Variants in MYL4 observed in about 807,000 individuals in gnomAD.
The protein encoded by MYL4 is atrial myosin light chain 1.
In MYL4, 16 loss-of-function variants were observed where a neutral mutation model predicts 21.6. The ratio of observed to expected loss-of-function variants is 0.74; its 90% CI spans 0.50 to 1.12. The LOEUF is 1.12. Among genes scored for constraint, MYL4 ranks in the 50% most tolerant of loss-of-function variants. MYL4 has a pLI of 0.00. For synonymous variants in MYL4, 82 were observed against 95.7 expected (o/e 0.86, Z 0.83); for missense variants, 249 against 252.9 (o/e 0.98, Z 0.11).
upstream of MYL4, among the ~76,000 whole-genome samples, chr17:47,207,749 A>G (rs570710124): frequency 2.2e-3 from 328 of 152,234 alleles, 4 homozygotes; most frequent in African/African-American, 7.4e-3. Context: ...TTTCTGAATT[A>G]TTTTGTTGAC....
At chr17:47,224,875 A>C (rs2064879434), downstream of MYL4, among the ~76,000 whole-genome samples, 1 of 151,562 alleles carries the variant, frequency 6.6e-6, no homozygotes, top group South Asian at 2.1e-4. Context: ...CAGGAACCTC[A>C]GGCTGAGAGA....
At chr17:47,223,118 C>A (rs966908484) in intron 6 of MYL4, 61 bp downstream of exon 6, 68 of 1,561,784 alleles carry the variant, frequency 4.4e-5, no homozygotes, top group African/African-American at 6.8e-5. Context: ...AAGAATAACA[C>A]CATGTGCCCT....
At chr17:47,192,478 T>A in the MYL4 span, among the ~76,000 whole-genome samples, 238 of 150,632 alleles carry the variant, frequency 1.6e-3, 1 homozygote, top group African/African-American at 5.4e-3. Context: ...TGAAACCCCA[T>A]CTCTACTAAA....
the MYL4 span, among the ~76,000 whole-genome samples, chr17:47,192,718 C>T: frequency 6.6e-6 from 1 of 151,834 alleles, no homozygotes; most frequent in African/African-American, 2.4e-5. Flanking sequence ...GGTTTCTACT[C>T]ATCCACAGCA....
At chr17:47,198,865 A>G (rs1320274410), upstream of MYL4, among the ~76,000 whole-genome samples, 1 of 152,116 alleles carries the variant, frequency 6.6e-6, no homozygotes, top group Non-Finnish European at 1.5e-5. Flanking sequence ...GTATGCCTCT[A>G]GTCTTAGCTA....
chr17:47,202,727 C>A (rs1307397615), intron 1 of MYL4, among the ~76,000 whole-genome samples: 1 of 151,060 alleles, frequency 6.6e-6, no homozygotes, highest in Non-Finnish European at 1.5e-5. Flanking sequence ...TCAACAAAAG[C>A]AACTCTAAAT....
At chr17:47,211,597 A>G (rs1198449967) in intron 1 of MYL4, among the ~76,000 whole-genome samples, 1 of 152,100 alleles carries the variant, frequency 6.6e-6, no homozygotes, top group Non-Finnish European at 1.5e-5. Flanking sequence ...CACCCCATCT[A>G]GGGGGTTCCT....
intron 2 of MYL4, among the ~76,000 whole-genome samples, chr17:47,218,896 T>G (rs2064834216): frequency 1.3e-5 from 2 of 152,228 alleles, no homozygotes; most frequent in African/African-American, 4.8e-5. Context: ...CTTGCCCTGC[T>G]GCCTTCAAGG....
chr17:47,192,095 C>T, the MYL4 span, among the ~76,000 whole-genome samples: 1 of 152,204 alleles, frequency 6.6e-6, no homozygotes, highest in Admixed American at 6.5e-5. Context: ...TGGCTCACGC[C>T]TGTAATCCCA....
chr17:47,213,593 C>T (rs2064791538), intron 1 of MYL4, among the ~76,000 whole-genome samples: 1 of 152,102 alleles, frequency 6.6e-6, no homozygotes. Context: ...GGAGGGCCGA[C>T]GGTATTTTAT....
At chr17:47,197,104 T>TG (rs895464494), upstream of MYL4, among the ~76,000 whole-genome samples, 4 of 65,450 alleles carry the variant, frequency 6.1e-5, no homozygotes, top group East Asian at 8.0e-4. Flanking sequence ...TTTTTTTTTT[T>TG]TTTTTTTTTT....
intron 1 of MYL4, among the ~76,000 whole-genome samples, chr17:47,212,681 C>T (rs957463782): frequency 6.6e-6 from 1 of 152,202 alleles, no homozygotes; most frequent in Non-Finnish European, 1.5e-5. Context: ...GAGCAAAATG[C>T]AAATTGTTCA....
upstream of MYL4, among the ~76,000 whole-genome samples, chr17:47,195,730 T>G (rs745688847): frequency 6.6e-6 from 1 of 152,228 alleles, no homozygotes; most frequent in Non-Finnish European, 1.5e-5. Context: ...TAGCTCTGCT[T>G]ATCCTCCAAA....
chr17:47,198,828 TA>T (rs924914212), upstream of MYL4, among the ~76,000 whole-genome samples: 2 of 151,198 alleles, frequency 1.3e-5, no homozygotes, highest in Admixed American at 6.6e-5. Flanking sequence ...ACAAAAAAAA[TA>T]AAAAAAACTA....
intron 1 of MYL4, chr17:47,209,788 T>C (rs1402913968): frequency 6.4e-6 from 4 of 622,750 alleles, no homozygotes; most frequent in African/African-American, 3.7e-5. Context: ...GGGAGCCCTG[T>C]CCTGCTACCC....
At chr17:47,193,465 G>A in the MYL4 span, among the ~76,000 whole-genome samples, 5 of 151,990 alleles carry the variant, frequency 3.3e-5, no homozygotes, top group African/African-American at 7.2e-5. Context: ...ACGGAGTTTC[G>A]CCATGTTGGC....
chr17:47,219,502 G>T (rs2064838240), intron 2 of MYL4, among the ~76,000 whole-genome samples: 1 of 152,106 alleles, frequency 6.6e-6, no homozygotes, highest in Non-Finnish European at 1.5e-5. Context: ...AGGCCAGGGA[G>T]ACATCTGAAT....
chr17:47,194,142 A>G, the MYL4 span, among the ~76,000 whole-genome samples: 1 of 152,230 alleles, frequency 6.6e-6, no homozygotes, highest in Non-Finnish European at 1.5e-5. Flanking sequence ...TCCAGGCCCA[A>G]ATGACTAACT....
chr17:47,202,142 C>T (rs577073770), intron 1 of MYL4, among the ~76,000 whole-genome samples: 11 of 152,108 alleles, frequency 7.2e-5, no homozygotes, highest in Admixed American at 3.9e-4. Context: ...CGTGCCACCA[C>T]GCCCAACTAA....
Sources: allele counts gnomAD v4.1 joint callset (sites outside exome capture counted in the v4.1 genomes callset), GRCh38; gene constraint gnomAD v4.1.1; transcripts MANE v1.5; gene names NCBI Gene and HGNC (gene_info 2026-07-23, HGNC 2026-07-21).